Variants in TNPO3 observed in about 807,000 individuals in gnomAD.
TNPO3 encodes the protein transportin-3.
In TNPO3, 65 loss-of-function variants were observed where a neutral mutation model predicts 122.8. The observed-to-expected ratio is 0.53, with a 90% CI of 0.43 to 0.65. The LOEUF is 0.65. TNPO3 is among the 30% of genes least tolerant of loss of function. The pLI is 0.00. For missense variants in TNPO3, 850 were observed against 1,136.7 expected, an observed-to-expected ratio of 0.75 and a Z score of 3.63; for synonymous variants, 372 against 411.2, an observed-to-expected ratio of 0.90 and a Z score of 1.15.
rs989776838 is a variant in TNPO3 at position 128,976,039 on chromosome 7, C to T, written c.2062-104G>A. On this transcript the variant is annotated intron_variant, in intron 16 of 22. Transcript: ENST00000265388. Reference sequence around the variant, plus strand: ...ATTCAGAGATAGATTGGCTTCTTCTCTTTAAGGCAACATAGTATAAAGCTT... The same window carrying T: ...ATTCAGAGATAGATTGGCTTCTTCTTTTTAAGGCAACATAGTATAAAGCTT... The T allele has an allele frequency of 3.8e-6, 3 of 789,676 alleles. No individual in the cohort carries two copies. In the African/African-American group the frequency reaches 5.2e-5, roughly 14 times the overall value. The allele number at this position is 789,676 out of a possible 1,614,324, so 48.9% of individuals were successfully genotyped here. A position where few individuals can be genotyped will look rare whatever the true frequency, so the allele number is the denominator to read the frequency against.
At chr7:129,038,548 C>G (rs1806980911) in intron 1 of TNPO3, among the ~76,000 whole-genome samples, 1 of 152,162 alleles carries the variant, frequency 6.6e-6, no homozygotes, top group African/African-American at 2.4e-5. Context: ...CACTGCAGCA[C>G]TATTCACAAT....
chr7:129,032,440 T>A (rs1247649671), intron 1 of TNPO3, among the ~76,000 whole-genome samples: 1 of 152,160 alleles, frequency 6.6e-6, no homozygotes, highest in Non-Finnish European at 1.5e-5. Flanking sequence ...GTAAGATCAT[T>A]CAACATGATC....
At chr7:128,997,715 CG>C (rs1801480925) in intron 7 of TNPO3, among the ~76,000 whole-genome samples, 180 bp from the exon 8 acceptor site, 1 of 152,198 alleles carries the variant, frequency 6.6e-6, no homozygotes, top group South Asian at 2.1e-4. Context: ...TGTCTTCCCA[CG>C]TTAGGCCCAA....
intron 21 of TNPO3, among the ~76,000 whole-genome samples, chr7:128,959,610 G>A (rs1197748091): frequency 6.6e-6 from 1 of 152,216 alleles, no homozygotes; most frequent in Non-Finnish European, 1.5e-5. Context: ...TGAGGGACAG[G>A]TGACACTGTC....
Position 129,005,072 on chromosome 7 carries a change from A to G in TNPO3, c.640T>C (p.Leu214=), listed in dbSNP as rs777513863. Residue 214 remains leucine, a synonymous_variant, in exon 5 of 23, where the codon TTG becomes CTG. Transcript: ENST00000265388. The stretch of plus-strand genomic sequence containing the variant: ...TTGTTAGCCATGAAGTTACTGTCCA[A>G]AACTCCCAAGTTAAACCAACTTCCC... ...CLGSWFNLGV[L]DSNFMANNKL... The G allele has an allele frequency of 1.2e-6, 2 of 1,614,040 alleles. No homozygotes were observed. The highest frequency in any genetic ancestry group is 2.2e-5 in the South Asian group (2 of 91,076).
At chr7:129,007,577 A>T (rs1802707389) in intron 4 of TNPO3, among the ~76,000 whole-genome samples, 1 of 152,248 alleles carries the variant, frequency 6.6e-6, no homozygotes, top group African/African-American at 2.4e-5. Flanking sequence ...ACTAGTTTTA[A>T]GCATGTCAGC....
At chr7:128,980,129 C>A in intron 14 of TNPO3, 98 bp from the exon 15 acceptor site, 1 of 1,023,234 alleles carries the variant, frequency 9.8e-7, no homozygotes, top group South Asian at 1.3e-5. Flanking sequence ...TCATTTTCAC[C>A]AAATAAAGAA....
intron 1 of TNPO3, among the ~76,000 whole-genome samples, chr7:129,020,679 G>A (rs1181272101): frequency 6.6e-6 from 1 of 152,114 alleles, no homozygotes; most frequent in Non-Finnish European, 1.5e-5. Flanking sequence ...AAACTCAAGT[G>A]ATCCTCCTGC....
chr7:129,054,090 C>G (rs917103961), intron 1 of TNPO3, among the ~76,000 whole-genome samples: 3 of 152,056 alleles, frequency 2.0e-5, no homozygotes, highest in Admixed American at 6.5e-5. Context: ...ACTGTTTTTT[C>G]TTCATATTAT....
chr7:129,041,585 C>G (rs763323217), intron 1 of TNPO3: 7 of 985,408 alleles, frequency 7.1e-6, no homozygotes, highest in Non-Finnish European at 8.4e-6. Context: ...GCCACAGATG[C>G]CAGGTGCTAC....
intron 19 of TNPO3, among the ~76,000 whole-genome samples, chr7:128,971,726 C>G (rs1276438294): frequency 6.6e-6 from 1 of 152,226 alleles, no homozygotes; most frequent in Non-Finnish European, 1.5e-5. Context: ...CTGACTTGCT[C>G]TGATCTTGGC....
chr7:129,001,260 G>A (rs776775916), intron 5 of TNPO3, 26 bp from the exon 6 acceptor site: 1 of 1,584,144 alleles, frequency 6.3e-7, no homozygotes, highest in East Asian at 2.3e-5. Flanking sequence ...GAATAGGGAA[G>A]CAAGAAGTAT....
In TNPO3 at chr7:128,972,565, G is replaced by A; in HGVS notation, c.2291C>T (p.Pro764Leu). Residue 764 changes from proline to leucine, a missense_variant, in exon 19 of 23, where the codon CCT becomes CTT. Coordinates refer to ENST00000265388, the MANE Select transcript of TNPO3 (RefSeq NM_012470.4). ...CACTTGGCTCCGCAGCAAGGTGACA[G>A]GGCTACGCTGAATAAACCTGGTGTG... ...RLATRFIQRS[P>L]VTLLRSQVVI... is the part of the protein sequence containing the mutation. The A allele has an allele frequency of 6.2e-7, 1 of 1,613,814 alleles. No homozygotes were observed. Among genetic ancestry groups the A allele is most frequent in the South Asian group, 1.1e-5 (1 of 91,050 alleles).
chr7:128,988,222 C>T (rs1022964262), intron 11 of TNPO3, among the ~76,000 whole-genome samples: 8 of 150,824 alleles, frequency 5.3e-5, no homozygotes, highest in South Asian at 2.1e-4. Flanking sequence ...ATGATCCTCT[C>T]GCCTCAGCCT....
chr7:129,011,482 T>C (rs1025735152), intron 4 of TNPO3, among the ~76,000 whole-genome samples: 13 of 152,178 alleles, frequency 8.5e-5, no homozygotes, highest in Non-Finnish European at 1.6e-4. Flanking sequence ...TAGCTGGGAC[T>C]ACAGCTGCAT....
intron 2 of TNPO3, among the ~76,000 whole-genome samples, chr7:129,017,411 A>G (rs981162406): frequency 6.6e-6 from 1 of 152,236 alleles, no homozygotes; most frequent in African/African-American, 2.4e-5. Context: ...GGTCAAAGCT[A>G]CTAATAAAGT....
chr7:129,053,289 C>A (rs868166648), intron 1 of TNPO3, among the ~76,000 whole-genome samples: 8 of 151,208 alleles, frequency 5.3e-5, no homozygotes, highest in Middle Eastern at 3.4e-3. Flanking sequence ...AGCACCACTG[C>A]ACTCCTCCAG....
chr7:129,024,608 G>GAT (rs1804892652), intron 1 of TNPO3, among the ~76,000 whole-genome samples: 1 of 152,148 alleles, frequency 6.6e-6, no homozygotes, highest in Non-Finnish European at 1.5e-5. Context: ...TGAGCCTCTA[G>GAT]ATCCAGCAGC....
intron 14 of TNPO3, among the ~76,000 whole-genome samples, chr7:128,980,362 C>A (rs1799500774): frequency 6.6e-6 from 1 of 152,152 alleles, no homozygotes; most frequent in African/African-American, 2.4e-5. Context: ...AATCCCAGCA[C>A]TCTGGGAGGC....
Sources: gnomAD v4.1 joint callset for allele counts (sites outside exome capture counted in the v4.1 genomes callset) on GRCh38, gnomAD v4.1.1 for gene constraint, MANE v1.5 for transcripts, NCBI Gene and HGNC (gene_info 2026-07-23, HGNC 2026-07-21) for gene names.